LRRC7: variants seen among roughly 807,000 people sequenced by gnomAD.
LRRC7 encodes leucine rich repeat containing 7.
LRRC7 carries 23 observed loss-of-function variants against 175.7 expected under a neutral mutation model. The observed-to-expected ratio is 0.13, with a 90% CI of 0.09 to 0.19. The LOEUF (loss-of-function observed/expected upper bound fraction) is 0.19, where lower values mean the gene tolerates loss of function less well. LRRC7 is among the 10% of genes least tolerant of loss of function. The probability of loss-of-function intolerance (pLI) is 1.00; values close to 1 mark genes in which losing one functional copy is unlikely to be tolerated. For synonymous variants in LRRC7, 685 were observed against 680.9 expected, an observed-to-expected ratio of 1.01 and a Z score of -0.09; for missense variants, 1,354 against 1,904.7, an observed-to-expected ratio of 0.71 and a Z score of 5.38.
In LRRC7 at chr1:69,717,830, GAA is replaced by G. The variant is rs1321787841; in HGVS notation, c.100+39354_100+39355del. Among the ~76,000 whole-genome samples the G allele has an allele frequency of 4.2e-3, 120 of 28,348 alleles. 8 individuals carry two copies. Among genetic ancestry groups the G allele is most frequent in the Admixed American group, 0.011 (26 of 2,394 alleles). 18.6% of individuals were successfully genotyped at this position (28,348 alleles called of 152,430 possible). A position where few individuals can be genotyped will look rare whatever the true frequency, so the allele number is the denominator to read the frequency against. ...AGAAAGAAAGAAAGAAAGAAAGAAA[GAA>G]AGAAAGAAAAAAGAAAGAAAGGAAA... On this transcript the variant is annotated intron_variant, in intron 2 of 26. Transcript: ENST00000651989.
intron 2 of LRRC7, among the ~76,000 whole-genome samples, chr1:69,745,337 C>G (rs192304293): frequency 6.6e-6 from 1 of 152,096 alleles, no homozygotes; most frequent in Admixed American, 6.6e-5. Flanking sequence ...AACCTACCAT[C>G]TGTTGGCACT....
At chr1:69,579,815 G>C (rs61782209) in intron 1 of LRRC7, among the ~76,000 whole-genome samples, 1 of 109,142 alleles carries the variant, frequency 9.2e-6, no homozygotes, top group Admixed American at 9.3e-5. Flanking sequence ...TTTTTTTTTG[G>C]TAGAGCCAGC....
chr1:69,590,612 T>G (rs943631155), intron 1 of LRRC7, among the ~76,000 whole-genome samples: 3 of 152,270 alleles, frequency 2.0e-5, no homozygotes, highest in Middle Eastern at 3.4e-3. Flanking sequence ...TAAAAGAGAC[T>G]GCAGCATCAC....
chr1:70,117,005 A>G (rs1187584104), intron 26 of LRRC7, among the ~76,000 whole-genome samples: 2 of 152,172 alleles, frequency 1.3e-5, no homozygotes, highest in African/African-American at 4.8e-5. Flanking sequence ...CCTCATCCTA[A>G]GAGCTGTAGG....
intron 4 of LRRC7, among the ~76,000 whole-genome samples, chr1:69,819,575 CTCTGTGTGTGTGTGTGTGTG>C (rs1271803876): frequency 2.3e-5 from 3 of 133,252 alleles, no homozygotes; most frequent in African/African-American, 6.3e-5. Flanking sequence ...CTCTCTCTCT[CTCTGTGTGTGTGTGTGTGTG>C]TGTGTGTGTG....
At chr1:69,963,471 A>G (rs1205952413) in intron 8 of LRRC7, among the ~76,000 whole-genome samples, 1 of 152,186 alleles carries the variant, frequency 6.6e-6, no homozygotes, top group Non-Finnish European at 1.5e-5. Context: ...GGGTCAAATA[A>G]GAGACTTTTT....
intron 8 of LRRC7, among the ~76,000 whole-genome samples, chr1:69,945,810 ACT>A (rs1649246296): frequency 6.6e-6 from 1 of 151,022 alleles, no homozygotes; most frequent in East Asian, 2.0e-4. Context: ...CTGTATAAAA[ACT>A]CTATTAATTT....
At chr1:70,048,583 A>G (rs937292821) in intron 22 of LRRC7, among the ~76,000 whole-genome samples, 4 of 152,152 alleles carry the variant, frequency 2.6e-5, no homozygotes, top group African/African-American at 7.2e-5. Context: ...CATACACATT[A>G]TTACCTCACA....
rs535131611 is a variant in LRRC7, at chr1:69,703,594, T to A, written c.100+25116T>A. On this transcript the variant is annotated intron_variant, in intron 2 of 26. Transcript: ENST00000651989. ...TATTTATAATTTGTATTATTACATA[T>A]CTATATATCTATTCTAAGAACAAAT... Among the ~76,000 whole-genome samples the A allele has an allele frequency of 1.2e-4, 18 of 152,150 alleles. 1 individual carries two copies. In the South Asian group the frequency reaches 3.7e-3, roughly 32 times the overall value.
intron 25 of LRRC7, among the ~76,000 whole-genome samples, chr1:70,097,355 G>A (rs1664481016): frequency 6.6e-6 from 1 of 152,260 alleles, no homozygotes; most frequent in Non-Finnish European, 1.5e-5. Context: ...TTAAACCTAT[G>A]AGAATCAGTC....
chr1:69,693,803 C>T lies in LRRC7; in HGVS notation c.100+15325C>T, dbSNP rs1570387444. 2.6e-5 allele frequency among the ~76,000 whole-genome samples: 4 copies of T among 152,264 alleles called. No individual in the cohort carries two copies. The East Asian group carries it at 7.7e-4, about 29-fold the overall frequency. On this transcript the variant is annotated intron_variant, in intron 2 of 26. Transcript: ENST00000651989. Reference sequence around the variant, plus strand: ...ATTTCAGGGGGTCTGAACTGAGTTGCTAAGGGTTTAAATTGCTCCCATAGT... The same window carrying T: ...ATTTCAGGGGGTCTGAACTGAGTTGTTAAGGGTTTAAATTGCTCCCATAGT...
intron 7 of LRRC7, among the ~76,000 whole-genome samples, chr1:69,844,001 G>A (rs537502536): frequency 5.9e-5 from 9 of 152,194 alleles, no homozygotes; most frequent in South Asian, 2.1e-4. Context: ...TATTTTGATC[G>A]TGTAGAATGT....
chr1:69,715,213 A>G (rs1013699939), intron 2 of LRRC7, among the ~76,000 whole-genome samples: 1 of 152,156 alleles, frequency 6.6e-6, no homozygotes, highest in African/African-American at 2.4e-5. Flanking sequence ...GACTTTTAAG[A>G]CATACCAGGC....
At chr1:69,945,648 C>T (rs1165481939) in intron 8 of LRRC7, among the ~76,000 whole-genome samples, 1 of 151,902 alleles carries the variant, frequency 6.6e-6, no homozygotes, top group Non-Finnish European at 1.5e-5. Flanking sequence ...GATATCTTTC[C>T]ACTTATTTCT....
At chr1:69,770,458 T>G (rs1258708475) in intron 3 of LRRC7, among the ~76,000 whole-genome samples, 2 of 152,180 alleles carry the variant, frequency 1.3e-5, no homozygotes, top group African/African-American at 4.8e-5. Flanking sequence ...GGTGACAAAT[T>G]TTGAAATGCT....
intron 2 of LRRC7, among the ~76,000 whole-genome samples, chr1:69,701,049 A>G (rs531735288): frequency 6.6e-6 from 1 of 152,316 alleles, no homozygotes. Flanking sequence ...CTATGAAACT[A>G]CAAGTGATTG....
intron 1 of LRRC7, among the ~76,000 whole-genome samples, chr1:69,572,875 G>A (rs1645793644): frequency 6.6e-6 from 1 of 151,868 alleles, no homozygotes; most frequent in Non-Finnish European, 1.5e-5. Flanking sequence ...TGTGGGGTAT[G>A]TGTGTGTGTG....
intron 4 of LRRC7, among the ~76,000 whole-genome samples, chr1:69,818,750 A>G (rs1306025126): frequency 1.3e-5 from 2 of 151,918 alleles, no homozygotes; most frequent in Non-Finnish European, 2.9e-5. Flanking sequence ...TTGTTGGGAG[A>G]TTTCTGTTTA....
chr1:69,957,557 G>T (rs1161590322), intron 8 of LRRC7, among the ~76,000 whole-genome samples: 1 of 151,748 alleles, frequency 6.6e-6, no homozygotes, highest in East Asian at 1.9e-4. Flanking sequence ...AGTAGAGAGT[G>T]AATGCTCCTA....
Sources: gnomAD v4.1 joint callset for allele counts (sites outside exome capture counted in the v4.1 genomes callset) on GRCh38, gnomAD v4.1.1 for gene constraint, MANE v1.5 for transcripts, NCBI Gene and HGNC (gene_info 2026-07-23, HGNC 2026-07-21) for gene names.